MPO: variants seen among roughly 807,000 people sequenced by gnomAD.
MPO encodes the protein myeloperoxidase.
Under a neutral mutation model 69.4 loss-of-function variants are expected in MPO, and 57 were observed. That is an observed-to-expected ratio of 0.82 (90% CI 0.66 to 1.02). The LOEUF (loss-of-function observed/expected upper bound fraction) is 1.02, where lower values mean the gene tolerates loss of function less well. Ranked by LOEUF, MPO falls within the 50% of genes least tolerant of loss-of-function variation. The pLI, the probability that MPO is intolerant of heterozygous loss-of-function variation, is 0.00. For synonymous variants in MPO, 426 were observed against 417.1 expected (o/e 1.02, Z -0.26); for missense variants, 971 against 1,014.1 (o/e 0.96, Z 0.58).
chr17:58,280,924 C>T lies in MPO; in HGVS notation c.-166G>A. On this transcript the variant is annotated 5_prime_UTR_variant, in exon 1 of 12. It adds an upstream start codon to the 5' untranslated region. Transcript: ENST00000225275. ...CCAAGGACCCCACCTCCACAGCTCA[C>T]CTGATATTGTCAGCTCCTCTTAGCT... 1.4e-6 allele frequency: 1 copy of T among 733,200 alleles called. No homozygotes were observed. 45.4% of individuals were successfully genotyped at this position (733,200 alleles called of 1,614,324 possible).
chr17:58,280,073 C>A, intron 2 of MPO, 59 bp from the exon 3 acceptor site: 3 of 1,601,898 alleles, frequency 1.9e-6, no homozygotes, highest in Non-Finnish European at 1.7e-6. Context: ...CCCAGCAGAG[C>A]CCCAGCCCAG....
At position 58,280,666 on chromosome 17, in the gene MPO, C is replaced by T. The variant is rs1217023009; in HGVS notation, c.93G>A (p.Leu31=). The change falls in exon 1 of 12, where the codon CTG becomes CTA. Residue 31 remains leucine, a synonymous_variant. Transcript: ENST00000225275. ...GGLTAEMKLL[L]ALAGLLAILA... Reference sequence around the variant, plus strand: ...GAATGGCCAGGAGCCCTGCTAGGGCCAGAAGCAGCTTCATCTCTGCAGTGA... The same window carrying T: ...GAATGGCCAGGAGCCCTGCTAGGGCTAGAAGCAGCTTCATCTCTGCAGTGA... 2 of 1,614,230 alleles carry T rather than the reference C, an allele frequency of 1.2e-6. No homozygotes were observed. Among genetic ancestry groups the T allele is most frequent in the South Asian group, 2.2e-5 (2 of 91,086 alleles).
At chr17:58,278,896 CCAG>C in intron 6 of MPO, 109 bp downstream of exon 6, 1 of 1,282,996 alleles carries the variant, frequency 7.8e-7, no homozygotes, top group Non-Finnish European at 1.1e-6. Context: ...GGAGGCAGGG[CCAG>C]CCTTCCTCAG....
At chr17:58,279,685 C>T in intron 3 of MPO, 39 bp from the exon 4 acceptor site, 1 of 1,614,012 alleles carries the variant, frequency 6.2e-7, no homozygotes, top group South Asian at 1.1e-5. Flanking sequence ...TGAGCCGCCT[C>T]ACTTCCTATC....
In MPO at chr17:58,280,229, G is replaced by GGACA. The variant is rs1046582962; in HGVS notation, c.248+133_248+136dup. 57 of 1,054,286 alleles carry GGACA rather than the reference G, an allele frequency of 5.4e-5. No individual in the cohort carries two copies. The East Asian group carries it at 7.1e-4, about 13-fold the overall frequency. 65.3% of individuals were successfully genotyped at this position (1,054,286 alleles called of 1,614,324 possible). A position where few individuals can be genotyped will look rare whatever the true frequency, so the allele number is the denominator to read the frequency against. ...GCTGTTCTCCCATCCAGAAACACAGGGACAGACAGACAGAAAGGGAGTCCA... is the reference window on the plus strand; with the variant it reads ...GCTGTTCTCCCATCCAGAAACACAGGGACAGACAGACAGACAGAAAGGGAGTCCA... On this transcript the variant is annotated intron_variant, in intron 2 of 11. Coordinates refer to ENST00000225275, the MANE Select transcript of MPO (RefSeq NM_000250.2).
At chr17:58,278,230 C>T in intron 6 of MPO, 85 bp from the exon 7 acceptor site, 1 of 1,474,954 alleles carries the variant, frequency 6.8e-7, no homozygotes, top group Non-Finnish European at 9.2e-7. Context: ...GCCCTCAGGA[C>T]CTCTGGTACC....
chr17:58,273,594 A>C lies in MPO; in HGVS notation c.1441T>G (p.Ser481Ala). 1 of 1,614,198 alleles carries C rather than the reference A, an allele frequency of 6.2e-7. No homozygotes were observed. Among genetic ancestry groups the C allele is most frequent in the Non-Finnish European group, 8.5e-7 (1 of 1,180,032 alleles). ...CGTGGGTCCACTGAGTCATTGTAGG[A>C]ACGGTACGTGGGCAGGTACTTCCTC... The part of the protein sequence containing the change: ...AMRKYLPTYR[S>A]YNDSVDPRIA... The change falls in exon 9 of 12, where the codon TCC becomes GCC. Residue 481 changes from serine (S) to alanine (A), a missense_variant. Ser to Ala is a moderately conservative substitution (Grantham distance 99). Coordinates refer to ENST00000225275, the MANE Select transcript of MPO (RefSeq NM_000250.2).
rs763816239 is a variant in MPO, at chr17:58,270,863, C to T, written c.2031G>A (p.Arg677=). The change falls in exon 12 of 12, where the codon CGG becomes CGA. Residue 677 remains arginine (R), a splice_region_variant and synonymous_variant. Coordinates refer to ENST00000225275, the MANE Select transcript of MPO (RefSeq NM_000250.2). This position sits in a 1 kb window ranked among gnomAD's most constrained non-coding sequence, Gnocchi z 4.1. ...ACACACCCTCGTTCTCCCACCAAAA[C>T]CTGCATGGGGAACACCCATGGACAC... ...TQFRKLRDGD[R]FWWENEGVFS... The T allele has an allele frequency of 1.2e-6, 2 of 1,612,948 alleles. No homozygotes were observed. Among genetic ancestry groups the T allele is most frequent in the East Asian group, 2.2e-5 (1 of 44,888 alleles).
rs1334783574 is a variant in MPO, at chr17:58,275,264, C to T, written c.1365+278G>A. On this transcript the variant is annotated intron_variant, in intron 8 of 11. Transcript: ENST00000225275. The surrounding 1 kb of genome is among the most constrained non-coding windows in gnomAD (Gnocchi z 4.1). ...AGAATTTACTGAACAGCTACTTGGG[C>T]GCTAAACCAAACATTCAACCCTCCC... 1.3e-5 allele frequency among the ~76,000 whole-genome samples: 2 copies of T among 152,110 alleles called. No homozygotes were observed. Among genetic ancestry groups the T allele is most frequent in the Non-Finnish European group, 2.9e-5 (2 of 68,014 alleles).
At position 58,279,406 on chromosome 17, in the gene MPO, G is replaced by A; in HGVS notation, c.569C>T (p.Ala190Val). The A allele has an allele frequency of 6.2e-7, 1 of 1,608,644 alleles. No homozygotes were observed. Among genetic ancestry groups the A allele is most frequent in the South Asian group, 1.1e-5 (1 of 90,296 alleles). The change falls in exon 5 of 12, where the codon GCC becomes GTC. Residue 190 changes from alanine to valine, a missense_variant. Transcript: ENST00000225275. ...CNNRRSPTLGASNRAFVRWLP... is the reference protein window; with the variant it reads ...CNNRRSPTLGVSNRAFVRWLP... Reference sequence around the variant, plus strand: ...CCAGCGCACAAAGGCACGGTTGGAGGCCCCCAGCGTGGGGCTGCGTCTGCA... The same window carrying A: ...CCAGCGCACAAAGGCACGGTTGGAGACCCCCAGCGTGGGGCTGCGTCTGCA...
At chr17:58,273,367 C>T in intron 9 of MPO, 47 bp downstream of exon 9, 1 of 1,613,674 alleles carries the variant, frequency 6.2e-7, no homozygotes, top group African/African-American at 1.3e-5. Context: ...ATCCCTACCC[C>T]ACCTTTAGCT....
chr17:58,277,867 G>A lies in MPO; in HGVS notation c.1164C>T (p.Leu388=), dbSNP rs756012362. 2 of 1,608,114 alleles carry A rather than the reference G, an allele frequency of 1.2e-6. No homozygotes were observed. The highest frequency in any genetic ancestry group is 1.7e-6 in the Non-Finnish European group (2 of 1,180,022). Residue 388 remains leucine (L), a synonymous_variant, in exon 7 of 12, where the codon CTC becomes CTT. Coordinates refer to ENST00000225275, the MANE Select transcript of MPO (RefSeq NM_000250.2). ...PFDNLHDDPC[L]LTNRSARIPC... ...GGATGCGCGCTGAGCGGTTGGTGAG[G>A]AGACAGGGGTCATCGTGCAGGTTGT...
In MPO at chr17:58,275,560, G is replaced by T. The variant is rs746831572; in HGVS notation, c.1347C>A (p.Ile449=). The change falls in exon 8 of 12, where the codon ATC becomes ATA. Residue 449 remains isoleucine, a synonymous_variant. Transcript: ENST00000225275. This position sits in a 1 kb window ranked among gnomAD's most constrained non-coding sequence, Gnocchi z 4.1. ...GERLYQEARK[I]VGAMVQIITY... Reference sequence around the variant, plus strand: ...GGCCTACCTGGACCATGGCCCCCACGATCTTCCGGGCTTCCTGGTAGAGCC... The same window carrying T: ...GGCCTACCTGGACCATGGCCCCCACTATCTTCCGGGCTTCCTGGTAGAGCC... 16 of 1,614,004 alleles carry T rather than the reference G, an allele frequency of 9.9e-6. No homozygotes were observed. The highest frequency in any genetic ancestry group is 5.0e-5 in the Admixed American group (3 of 59,994).
At chr17:58,278,735 C>T (rs1970471734) in intron 6 of MPO, 5 of 569,644 alleles carry the variant, frequency 8.8e-6, no homozygotes, top group Middle Eastern at 9.2e-4. Flanking sequence ...ATTCCACCAA[C>T]AGGACTCCTG....
Position 58,271,649 on chromosome 17 carries a change from C to A in MPO, c.2030+6G>T. The A allele has an allele frequency of 6.2e-7, 1 of 1,613,674 alleles. No individual in the cohort carries two copies. The highest frequency in any genetic ancestry group is 1.1e-5 in the South Asian group (1 of 91,072). ...CCAGCGGCCCACGACGCCTGCCCCTCCTCACCGATCACCATCCCGGAGCTT... is the reference window on the plus strand; with the variant it reads ...CCAGCGGCCCACGACGCCTGCCCCTACTCACCGATCACCATCCCGGAGCTT... On this transcript the variant is annotated splice_donor_region_variant and intron_variant, in intron 11 of 11. Coordinates refer to ENST00000225275, the MANE Select transcript of MPO (RefSeq NM_000250.2).
At chr17:58,271,306 C>T (rs1159526618) in intron 11 of MPO, among the ~76,000 whole-genome samples, 1 of 152,144 alleles carries the variant, frequency 6.6e-6, no homozygotes, top group African/African-American at 2.4e-5. Flanking sequence ...ATCAGGACCA[C>T]GAGGAAATGA....
In MPO at chr17:58,271,745, A is replaced by AC. The variant is rs760957433; in HGVS notation, c.1939dup (p.Val647GlyfsTer30). The AC allele has an allele frequency of 3.1e-6, 5 of 1,613,838 alleles. No homozygotes were observed. Among genetic ancestry groups the AC allele is most frequent in the Non-Finnish European group, 4.2e-6 (5 of 1,180,032 alleles). On this transcript the variant is annotated frameshift_variant, in exon 11 of 12. Transcript: ENST00000225275. LOFTEE classifies it high-confidence loss of function. ...GCCTTTGCGCTTCAGAGGCTCGGAC[A>AC]CGCCGCCCATCCAGATGTCGATGTT...
chr17:58,272,398 C>T (rs1236880887), intron 10 of MPO, among the ~76,000 whole-genome samples: 1 of 152,184 alleles, frequency 6.6e-6, no homozygotes, highest in Non-Finnish European at 1.5e-5. Flanking sequence ...CCTCAGTTTC[C>T]TCATCAGTAA....
At chr17:58,274,473 C>G (rs557445010) in intron 8 of MPO, among the ~76,000 whole-genome samples, 1 of 151,672 alleles carries the variant, frequency 6.6e-6, no homozygotes, top group South Asian at 2.1e-4. Flanking sequence ...GAACATTGCC[C>G]CAGGGGTAAA....
Sources: gnomAD v4.1 joint callset for allele counts (sites outside exome capture counted in the v4.1 genomes callset) on GRCh38, gnomAD v4.1.1 for gene constraint, Gnocchi (gnomAD v3.1) non-coding constraint, MANE v1.5 for transcripts, NCBI Gene and HGNC (gene_info 2026-07-23, HGNC 2026-07-21) for gene names.